Variants in SCYL3 observed in about 807,000 individuals in gnomAD.
The protein encoded by SCYL3 is protein-associating with the carboxyl-terminal domain of ezrin.
In SCYL3, 35 loss-of-function variants were observed where a neutral mutation model predicts 73.8. The ratio of observed to expected loss-of-function variants is 0.47; its 90% CI spans 0.36 to 0.63. The LOEUF (loss-of-function observed/expected upper bound fraction) is 0.63, where lower values mean the gene tolerates loss of function less well. Among genes scored for constraint, SCYL3 ranks in the 20% least tolerant of loss-of-function variants. The probability of loss-of-function intolerance (pLI) is 0.00; values close to 1 mark genes in which losing one functional copy is unlikely to be tolerated. For missense variants in SCYL3, 712 were observed against 798.9 expected, an observed-to-expected ratio of 0.89 and a Z score of 1.31; for synonymous variants, 277 against 295.2, an observed-to-expected ratio of 0.94 and a Z score of 0.63.
chr1:169,862,560 AGCACTCTTCCCTC>A, intron 10 of SCYL3, 40 bp downstream of exon 10: 1 of 1,577,836 alleles, frequency 6.3e-7, no homozygotes, highest in Non-Finnish European at 8.7e-7. Context: ...TCTTTCTTTC[AGCACTCTTCCCTC>A]AGGTTCTGTG....
intron 1 of SCYL3, among the ~76,000 whole-genome samples, chr1:169,890,849 T>A (rs1168771368): frequency 2.6e-5 from 4 of 152,240 alleles, no homozygotes; most frequent in African/African-American, 9.6e-5. Context: ...CTACTGGGAC[T>A]ACAAATAAAA....
intron 10 of SCYL3, among the ~76,000 whole-genome samples, chr1:169,862,068 C>G (rs1177086497): frequency 6.6e-6 from 1 of 152,174 alleles, no homozygotes; most frequent in African/African-American, 2.4e-5. Context: ...CCTGTTGACA[C>G]CCTGGTTTTA....
At chr1:169,857,514 A>G (rs1659277815) in intron 11 of SCYL3, among the ~76,000 whole-genome samples, 1 of 152,234 alleles carries the variant, frequency 6.6e-6, no homozygotes. Flanking sequence ...GTGTAAAGAT[A>G]TTCATTGCAG....
At chr1:169,859,514 A>G (rs966882388) in intron 10 of SCYL3, among the ~76,000 whole-genome samples, 7 of 152,230 alleles carry the variant, frequency 4.6e-5, no homozygotes, top group Admixed American at 4.6e-4. Context: ...TTAAGTCTTC[A>G]TATCTGTACT....
At chr1:169,858,980 T>C (rs1483857640) in intron 11 of SCYL3, 61 bp downstream of exon 11, 3 of 1,453,132 alleles carry the variant, frequency 2.1e-6, no homozygotes, top group African/African-American at 1.4e-5. Context: ...ACATTACTTA[T>C]ATAATACTAA....
intron 4 of SCYL3, 48 bp downstream of exon 4, chr1:169,875,924 TACCAAG>T: frequency 8.5e-7 from 1 of 1,180,284 alleles, no homozygotes; most frequent in Non-Finnish European, 1.2e-6. Flanking sequence ...AAGAACCACA[TACCAAG>T]ACGCTATTAA....
chr1:169,893,023 G>C (rs925858519), intron 1 of SCYL3, among the ~76,000 whole-genome samples: 1 of 152,018 alleles, frequency 6.6e-6, no homozygotes, highest in African/African-American at 2.4e-5. Flanking sequence ...TTCCCTCTGC[G>C]GAACTCAGTC....
At chr1:169,876,240 CT>C (rs1321547868) in intron 3 of SCYL3, 149 bp from the exon 4 acceptor site, 1 of 477,456 alleles carries the variant, frequency 2.1e-6, no homozygotes, top group Non-Finnish European at 3.7e-6. Flanking sequence ...AGCCTTCCCA[CT>C]TGTGGCATAA....
At position 169,876,034 on chromosome 1, in the gene SCYL3, G is replaced by A. The variant is rs768200324; in HGVS notation, c.409C>T (p.His137Tyr). 1.9e-6 allele frequency: 3 copies of A among 1,612,054 alleles called. No individual in the cohort carries two copies. Among genetic ancestry groups the A allele is most frequent in the Non-Finnish European group, 2.5e-6 (3 of 1,179,218 alleles). ...GTTTCCATTCCTCCTAGCTTCCAGTGTCCATCTTCACTCACAAACACAGAT... is the reference window on the plus strand; with the variant it reads ...GTTTCCATTCCTCCTAGCTTCCAGTATCCATCTTCACTCACAAACACAGAT... The part of the protein sequence containing the change: ...LSSVFVSEDG[H>Y]WKLGGMETVC... Residue 137 changes from histidine (H) to tyrosine (Y), a missense_variant, in exon 4 of 13, where the codon CAC becomes TAC. His to Tyr is a moderately conservative substitution (Grantham distance 83). This residue lies in a region of SCYL3 where 342 missense variants were observed against 448.1 expected (regional missense o/e 0.76). Coordinates refer to ENST00000367771, the MANE Select transcript of SCYL3 (RefSeq NM_020423.7).
chr1:169,854,115 G>GAT lies in SCYL3; in HGVS notation c.2007+153_2007+154dup, dbSNP rs1176542528. ...GCTACATTTTTCTGGGGGAAGGAAA[G>GAT]ATAGATACCAATGATAGAAACTGAT... On this transcript the variant is annotated intron_variant, in intron 12 of 12. Transcript: ENST00000367771. The GAT allele has an allele frequency of 2.9e-5, 18 of 629,128 alleles. No individual in the cohort carries two copies. In the East Asian group the frequency reaches 4.5e-4, roughly 16 times the overall value. The allele number at this position is 629,128 out of a possible 1,614,324, so 39.0% of individuals were successfully genotyped here.
Position 169,865,514 on chromosome 1 carries a change from C to A in SCYL3, c.816-1006G>T, listed in dbSNP as rs548790807. Among the ~76,000 whole-genome samples the A allele has an allele frequency of 2.4e-4, 37 of 152,298 alleles. No individual in the cohort carries two copies. In the East Asian group the frequency reaches 6.6e-3, roughly 27 times the overall value. ...CAGGACAATGCACCAACCATCTCCC[C>A]AACTTGATTGCAGCTTCAACTGCTC... is the stretch of plus-strand genomic sequence containing the variant. On this transcript the variant is annotated intron_variant, in intron 8 of 12. Transcript: ENST00000367771.
intron 3 of SCYL3, 104 bp downstream of exon 3, chr1:169,878,530 T>G: frequency 9.6e-7 from 1 of 1,045,170 alleles, no homozygotes; most frequent in East Asian, 2.6e-5. Flanking sequence ...ACACTTAACT[T>G]ACAATTTCTA....
rs1661034916 is a variant in SCYL3 at position 169,878,727 on chromosome 1, C to T, written c.258G>A (p.Gln86=). 4 of 1,614,040 alleles carry T rather than the reference C, an allele frequency of 2.5e-6. No individual in the cohort carries two copies. The highest frequency in any genetic ancestry group is 3.4e-6 in the Non-Finnish European group (4 of 1,180,000). Residue 86 remains glutamine, a synonymous_variant, in exon 3 of 13, where the codon CAG becomes CAA. Transcript: ENST00000367771. ...ATGTTTCCAAAGCCACTTCCAGGGG[C>T]TGTACTCGCTCAGTGACAAGATGAA... ...DGIHLVTERV[Q]PLEVALETLS...
chr1:169,883,054 A>C (rs759648196), intron 2 of SCYL3, among the ~76,000 whole-genome samples: 7 of 151,888 alleles, frequency 4.6e-5, no homozygotes, highest in Middle Eastern at 3.2e-3. Context: ...GAGCTGTAAC[A>C]CTCACCGCGA....
At position 169,866,889 on chromosome 1, in the gene SCYL3, AACTT is replaced by A. The variant is rs1410512294; in HGVS notation, c.815+3_815+6del. The A allele has an allele frequency of 1.6e-5, 23 of 1,455,654 alleles. No homozygotes were observed. Among genetic ancestry groups the A allele is most frequent in the Non-Finnish European group, 2.0e-5 (21 of 1,045,048 alleles). 90.2% of individuals were successfully genotyped at this position (1,455,654 alleles called of 1,614,324 possible). A position where few individuals can be genotyped will look rare whatever the true frequency, so the allele number is the denominator to read the frequency against. ...TTCAATTTAAATTCTTAATTTTCTG[AACTT>A]ACTTAAAGAATTCCGTTTTCTCCTC... On this transcript the variant is annotated splice_donor_5th_base_variant and intron_variant, in intron 8 of 12. Coordinates refer to ENST00000367771, the MANE Select transcript of SCYL3 (RefSeq NM_020423.7).
At chr1:169,871,920 G>A (rs966462196) in intron 5 of SCYL3, among the ~76,000 whole-genome samples, 1 of 152,216 alleles carries the variant, frequency 6.6e-6, no homozygotes, top group African/African-American at 2.4e-5. Flanking sequence ...GGTGACTTGG[G>A]TGCTGTTAAA....
At chr1:169,857,104 G>A (rs905440253) in intron 11 of SCYL3, among the ~76,000 whole-genome samples, 1 of 152,090 alleles carries the variant, frequency 6.6e-6, no homozygotes, top group African/African-American at 2.4e-5. Flanking sequence ...CATCCACTGG[G>A]AACATACCAG....
chr1:169,856,585 T>C (rs931005273), intron 11 of SCYL3, among the ~76,000 whole-genome samples: 4 of 151,978 alleles, frequency 2.6e-5, no homozygotes, highest in Non-Finnish European at 5.9e-5. Context: ...GCACCACATC[T>C]CCCCCCTCCT....
At chr1:169,874,769 T>C (rs780571764) in intron 4 of SCYL3, among the ~76,000 whole-genome samples, 1 of 152,012 alleles carries the variant, frequency 6.6e-6, no homozygotes, top group Non-Finnish European at 1.5e-5. Context: ...CTACCAAAAA[T>C]ATAAAAAATT....
Sources: gnomAD v4.1 joint callset for allele counts (sites outside exome capture counted in the v4.1 genomes callset) on GRCh38, gnomAD v4.1.1 for gene constraint, gnomAD v4.1.1 regional missense constraint, MANE v1.5 for transcripts, NCBI Gene and HGNC (gene_info 2026-07-23, HGNC 2026-07-21) for gene names.